The following DCLK1 variants were observed in gnomAD, a reference collection of about 807,000 sequenced individuals.
DCLK1 encodes the protein serine/threonine-protein kinase DCLK1.
DCLK1 carries 16 observed loss-of-function variants against 86.2 expected under a neutral mutation model. The observed-to-expected ratio is 0.19, with a 90% confidence interval of 0.13 to 0.28. The LOEUF (loss-of-function observed/expected upper bound fraction) is 0.28. DCLK1 is among the 10% of genes least tolerant of loss of function. The pLI is 1.00. For synonymous variants in DCLK1, 369 were observed against 370.5 expected (o/e 1.00, Z 0.05); for missense variants, 590 against 940.2 (o/e 0.63, Z 4.87).
intron 3 of DCLK1, among the ~76,000 whole-genome samples, chr13:36,059,954 C>A (rs1426178113): frequency 6.6e-6 from 1 of 151,558 alleles, no homozygotes; most frequent in Non-Finnish European, 1.5e-5. Flanking sequence ...TCACTGCAAC[C>A]TCCACCTCCT....
intron 4 of DCLK1, among the ~76,000 whole-genome samples, chr13:35,891,504 T>G (rs1300838556): frequency 6.6e-6 from 1 of 152,118 alleles, no homozygotes; most frequent in Non-Finnish European, 1.5e-5. Flanking sequence ...GGATATGGAG[T>G]TTATTTCTGG....
At chr13:35,988,891 T>A (rs1478524687) in intron 3 of DCLK1, among the ~76,000 whole-genome samples, 1 of 152,094 alleles carries the variant, frequency 6.6e-6, no homozygotes, top group African/African-American at 2.4e-5. Context: ...GAGACCTGAA[T>A]CTTTGCGGCC....
chr13:36,013,835 C>T (rs1298972019), intron 3 of DCLK1, among the ~76,000 whole-genome samples: 5 of 152,328 alleles, frequency 3.3e-5, no homozygotes, highest in East Asian at 1.9e-4. Flanking sequence ...GCCTCTCTGC[C>T]GCCTTGCAGT....
chr13:35,826,565 A>AGGAAGGAAGGAAGGAAG (rs1416411469), intron 10 of DCLK1, among the ~76,000 whole-genome samples: 2 of 68,900 alleles, frequency 2.9e-5, no homozygotes, highest in African/African-American at 3.9e-5. Context: ...GAAAGAAACA[A>AGGAAGGAAGGAAGGAAG]GTCCTAATTT....
chr13:35,848,855 G>A (rs1397166353), intron 6 of DCLK1: 71 of 985,196 alleles, frequency 7.2e-5, no homozygotes, highest in Non-Finnish European at 8.3e-5. Flanking sequence ...ATTTTACAAA[G>A]ACATAACTAA....
At chr13:36,013,557 G>A (rs563886749) in intron 3 of DCLK1, among the ~76,000 whole-genome samples, 1 of 152,274 alleles carries the variant, frequency 6.6e-6, no homozygotes, top group African/African-American at 2.4e-5. Context: ...AGGGGTCAGG[G>A]ACCCACTTGA....
intron 4 of DCLK1, among the ~76,000 whole-genome samples, chr13:35,937,797 G>A (rs565995694): frequency 1.3e-5 from 2 of 152,162 alleles, no homozygotes; most frequent in African/African-American, 4.8e-5. Context: ...TATAACAAAT[G>A]ATCAGGTTGA....
At chr13:35,862,234 A>G (rs572855933) in intron 5 of DCLK1, among the ~76,000 whole-genome samples, 25 of 152,170 alleles carry the variant, frequency 1.6e-4, no homozygotes, top group Non-Finnish European at 2.6e-4. Flanking sequence ...TTTATTTCCA[A>G]TTGCTTACAG....
chr13:35,991,231 C>A lies in DCLK1; in HGVS notation c.724-43774G>T, dbSNP rs1415081386. Among the ~76,000 whole-genome samples the A allele has an allele frequency of 6.6e-5, 10 of 152,288 alleles. No homozygotes were observed. In the South Asian group the frequency reaches 1.4e-3, roughly 22 times the overall value. On this transcript the variant is annotated intron_variant, in intron 3 of 16. Coordinates refer to ENST00000360631, the MANE Select transcript of DCLK1 (RefSeq NM_001330071.2). The stretch of plus-strand genomic sequence containing the variant: ...CAAACAGGCCTTGCTAAGTTCCCCC[C>A]ACTTATTACCATTAGATCAGACCTT...
intron 3 of DCLK1, among the ~76,000 whole-genome samples, chr13:35,962,956 C>T (rs1878535438): frequency 6.6e-6 from 1 of 152,158 alleles, no homozygotes; most frequent in Non-Finnish European, 1.5e-5. Context: ...ATTATATATT[C>T]AGAAGAGTGA....
At chr13:35,803,610 T>C (rs1298006918) in intron 15 of DCLK1, among the ~76,000 whole-genome samples, 1 of 152,216 alleles carries the variant, frequency 6.6e-6, no homozygotes, top group Admixed American at 6.5e-5. Context: ...GGCCATCTAG[T>C]GGCACAACAT....
intron 6 of DCLK1, chr13:35,849,466 C>CTTAA (rs1429859791): frequency 1.0e-6 from 1 of 985,162 alleles, no homozygotes; most frequent in East Asian, 1.1e-4. Flanking sequence ...CTTCACAAGT[C>CTTAA]TTAAACTGTT....
At chr13:35,816,802 T>A (rs773535786) in intron 11 of DCLK1, among the ~76,000 whole-genome samples, 2 of 152,192 alleles carry the variant, frequency 1.3e-5, no homozygotes. Flanking sequence ...TCTCCATATA[T>A]ACCGTTTGGG....
chr13:35,849,849 T>A, intron 6 of DCLK1: 1 of 982,502 alleles, frequency 1.0e-6, no homozygotes, highest in Non-Finnish European at 1.2e-6. Context: ...AGACACAATT[T>A]TTTTTAGGTC....
intron 5 of DCLK1, among the ~76,000 whole-genome samples, chr13:35,863,854 G>A (rs1871579981): frequency 6.6e-6 from 1 of 152,222 alleles, no homozygotes; most frequent in African/African-American, 2.4e-5. Context: ...ATCTGCATAT[G>A]TTGCATAAAA....
intron 3 of DCLK1, among the ~76,000 whole-genome samples, chr13:36,063,828 C>G (rs1883645175): frequency 6.6e-6 from 1 of 152,176 alleles, no homozygotes; most frequent in Non-Finnish European, 1.5e-5. Flanking sequence ...AGCATATACT[C>G]AGTTCCTAGT....
chr13:36,083,539 A>C (rs779038769), intron 3 of DCLK1, among the ~76,000 whole-genome samples: 2 of 152,342 alleles, frequency 1.3e-5, no homozygotes, highest in East Asian at 3.9e-4. Flanking sequence ...AAACATAGGT[A>C]CTGTAAATCT....
chr13:36,122,951 A>T (rs1886045496), intron 2 of DCLK1, among the ~76,000 whole-genome samples: 1 of 152,238 alleles, frequency 6.6e-6, no homozygotes, highest in Non-Finnish European at 1.5e-5. Context: ...AGATAAAAAC[A>T]AAACAGTGAC....
At chr13:35,918,978 C>T (rs1304887307) in intron 4 of DCLK1, among the ~76,000 whole-genome samples, 1 of 137,070 alleles carries the variant, frequency 7.3e-6, no homozygotes, top group Non-Finnish European at 1.5e-5. Flanking sequence ...TCCCAGCTCA[C>T]TGCAACCTCT....
Sources: gnomAD v4.1 joint callset for allele counts (sites outside exome capture counted in the v4.1 genomes callset) on GRCh38, gnomAD v4.1.1 for gene constraint, MANE v1.5 for transcripts, NCBI Gene and HGNC (gene_info 2026-07-23, HGNC 2026-07-21) for gene names.